HS6ST2: variants seen among roughly 807,000 people sequenced by gnomAD.
HS6ST2 encodes the protein heparan sulfate 6-O-sulfotransferase 2, also known as heparan-sulfate 6-O-sulfotransferase 2.
Under a neutral mutation model 33.0 loss-of-function variants are expected in HS6ST2, and 17 were observed. The observed-to-expected ratio is 0.52, with a 90% CI of 0.35 to 0.77. The LOEUF (loss-of-function observed/expected upper bound fraction) is 0.77. Ranked by LOEUF, HS6ST2 falls within the 30% of genes least tolerant of loss-of-function variation. The pLI is 0.01. For missense variants in HS6ST2, 519 were observed against 551.7 expected, an observed-to-expected ratio of 0.94 and a Z score of 0.59; for synonymous variants, 248 against 237.1, an observed-to-expected ratio of 1.05 and a Z score of -0.42.
intron 2 of HS6ST2, among the ~76,000 whole-genome samples, chrX:132,904,533 T>TTGTGTG (rs58820779): frequency 3.6e-4 from 34 of 94,541 alleles, no homozygotes; most frequent in South Asian, 1.6e-3. Context: ...TTTTTTCTCT[T>TTGTGTG]TGTGTGTGTG....
intron 2 of HS6ST2, among the ~76,000 whole-genome samples, chrX:132,930,244 C>T (rs772196821): frequency 5.7e-4 from 63 of 111,312 alleles, no homozygotes; most frequent in Non-Finnish European, 7.7e-4. Flanking sequence ...TCACTGCAAC[C>T]TCCACCTTCC....
chrX:132,689,628 A>C (rs181344482), intron 3 of HS6ST2, among the ~76,000 whole-genome samples: 35 of 112,346 alleles, frequency 3.1e-4, no homozygotes, highest in Admixed American at 3.0e-3. Context: ...ATAATATTCC[A>C]CTTTTGTAAC....
chrX:132,755,601 T>A (rs1016440523), intron 2 of HS6ST2, among the ~76,000 whole-genome samples: 2 of 110,829 alleles, frequency 1.8e-5, no homozygotes, highest in African/African-American at 3.3e-5. Flanking sequence ...TTAGGGTGGG[T>A]CAAGAGAGGC....
chrX:132,880,953 C>A (rs12393670), intron 2 of HS6ST2, among the ~76,000 whole-genome samples: 35,991 of 108,630 alleles, frequency 0.33, 4,802 homozygotes, highest in African/African-American at 0.43. Context: ...AAAGGACATG[C>A]ACTCATCATT....
intron 2 of HS6ST2, among the ~76,000 whole-genome samples, chrX:132,875,400 T>C (rs756011312): frequency 9.0e-6 from 1 of 111,409 alleles, no homozygotes; most frequent in African/African-American, 3.3e-5. Context: ...AGCTTTGGTA[T>C]CTGTATGCCC....
At chrX:132,838,787 A>G (rs2065671901) in intron 2 of HS6ST2, among the ~76,000 whole-genome samples, 3 of 110,193 alleles carry the variant, frequency 2.7e-5, no homozygotes, top group Admixed American at 2.0e-4. Flanking sequence ...TTTTTTAAAA[A>G]AACACCCCAA....
At chrX:132,882,455 T>C (rs749535392) in intron 2 of HS6ST2, among the ~76,000 whole-genome samples, 2 of 105,379 alleles carry the variant, frequency 1.9e-5, no homozygotes, top group South Asian at 4.3e-4. Context: ...AGAATGCTTG[T>C]GATTTTTGCA....
intron 2 of HS6ST2, among the ~76,000 whole-genome samples, chrX:132,788,694 T>G (rs939553534): frequency 8.0e-5 from 9 of 112,898 alleles, no homozygotes; most frequent in Non-Finnish European, 1.7e-4. Flanking sequence ...CAAGTTGTGA[T>G]TGATCAGGAA....
intron 2 of HS6ST2, among the ~76,000 whole-genome samples, chrX:132,787,878 G>T (rs948532273): frequency 9.3e-6 from 1 of 107,567 alleles, no homozygotes; most frequent in Non-Finnish European, 1.9e-5. Flanking sequence ...GTGACAGAGC[G>T]AGACTCCATC....
intron 2 of HS6ST2, among the ~76,000 whole-genome samples, chrX:132,876,675 C>T (rs1251628630): frequency 9.1e-6 from 1 of 110,403 alleles, no homozygotes; most frequent in African/African-American, 3.3e-5. Context: ...GGGTGAGAGA[C>T]AGCTGAAGAG....
At position 132,787,173 on chromosome X, in the gene HS6ST2, A is replaced by ATATATGTG. The variant is rs1569490876; in HGVS notation, c.948-78680_948-78679insCACATATA. On this transcript the variant is annotated intron_variant, in intron 2 of 4. Transcript: ENST00000370833. Reference sequence around the variant, plus strand: ...TGTGTGTGTATATATATATGTATATATATATATATATATACATATATATAT... The same window carrying ATATATGTG: ...TGTGTGTGTATATATATATGTATATATATATGTGTATATATATATATACATATATATAT... 3.1e-4 allele frequency among the ~76,000 whole-genome samples: 25 copies of ATATATGTG among 81,801 alleles called. 1 individual carries two copies. The highest frequency in any genetic ancestry group is 1.1e-3 in the African/African-American group (21 of 18,261). 71.0% of individuals were successfully genotyped at this position (81,801 alleles called of 115,157 possible). A position where few individuals can be genotyped will look rare whatever the true frequency, so the allele number is the denominator to read the frequency against.
At chrX:132,870,824 C>T (rs1325125365) in intron 2 of HS6ST2, among the ~76,000 whole-genome samples, 2 of 111,579 alleles carry the variant, frequency 1.8e-5, no homozygotes, top group African/African-American at 6.5e-5. Flanking sequence ...TAGAAGAAAA[C>T]CTAGGCAATA....
At chrX:132,659,825 A>G (rs1184942105) in intron 4 of HS6ST2, among the ~76,000 whole-genome samples, 1 of 112,102 alleles carries the variant, frequency 8.9e-6, no homozygotes, top group East Asian at 2.8e-4. Context: ...TATTATAATA[A>G]TTAAACAAGA....
intron 2 of HS6ST2, among the ~76,000 whole-genome samples, chrX:132,832,373 T>G (rs746507937): frequency 9.8e-5 from 11 of 112,068 alleles, no homozygotes; most frequent in Admixed American, 1.9e-4. Context: ...TTTTCCAATA[T>G]TTATGCCATG....
At position 132,769,698 on chromosome X, in the gene HS6ST2, G is replaced by A. The variant is rs141762839; in HGVS notation, c.948-61204C>T. 4.1e-3 allele frequency among the ~76,000 whole-genome samples: 467 copies of A among 112,588 alleles called. 2 individuals are homozygous for A. The highest frequency in any genetic ancestry group is 0.014 in the African/African-American group (437 of 31,036). On this transcript the variant is annotated intron_variant, in intron 2 of 4. Transcript: ENST00000370833. The stretch of plus-strand genomic sequence containing the variant: ...AGGCCAGCAATAGGCATGTTGTCAC[G>A]GTTCTACCAAGAAAAAACACACTCC...
At chrX:132,727,361 T>A (rs763659984) in intron 2 of HS6ST2, among the ~76,000 whole-genome samples, 4 of 110,831 alleles carry the variant, frequency 3.6e-5, no homozygotes, top group Non-Finnish European at 7.6e-5. Flanking sequence ...CAAGGGTGAA[T>A]AAGACATGGT....
chrX:132,708,299 T>TAAAAAAAA (rs36028236), intron 3 of HS6ST2, among the ~76,000 whole-genome samples, 163 bp downstream of exon 3: 3 of 21,212 alleles, frequency 1.4e-4, no homozygotes, highest in South Asian at 8.3e-3. Flanking sequence ...TGTTTTAAAC[T>TAAAAAAAA]AAAAAAAAAA....
At chrX:132,902,894 A>G (rs1032688217) in intron 2 of HS6ST2, among the ~76,000 whole-genome samples, 22 of 112,102 alleles carry the variant, frequency 2.0e-4, no homozygotes, top group Non-Finnish European at 3.8e-4. Context: ...ATCAGAAACA[A>G]GACAAGGATA....
At chrX:132,664,034 G>A (rs937463937) in intron 4 of HS6ST2, among the ~76,000 whole-genome samples, 1 of 111,444 alleles carries the variant, frequency 9.0e-6, no homozygotes. Context: ...TTTTTGAGAC[G>A]GAGTCTCACT....
Sources: allele counts gnomAD v4.1 joint callset (sites outside exome capture counted in the v4.1 genomes callset), GRCh38; gene constraint gnomAD v4.1.1; transcripts MANE v1.5; gene names NCBI Gene and HGNC (gene_info 2026-07-23, HGNC 2026-07-21).